MS4A13: variants seen among roughly 807,000 people sequenced by gnomAD.
The protein encoded by MS4A13 is membrane-spanning 4-domains subfamily A member 13.
In MS4A13, 21 loss-of-function variants were observed where a neutral mutation model predicts 18.4. The observed-to-expected ratio is 1.14, with a 90% confidence interval of 0.81 to 1.64. The LOEUF is 1.64. Among genes scored for constraint, MS4A13 ranks in the 40% most tolerant of loss-of-function variants. The pLI is 0.00. For synonymous variants in MS4A13, 62 were observed against 57.2 expected (o/e 1.08, Z -0.38); for missense variants, 173 against 176.8 (o/e 0.98, Z 0.12).
chr11:60,523,270 G>A (rs2086690012), intron 3 of MS4A13, among the ~76,000 whole-genome samples: 1 of 152,104 alleles, frequency 6.6e-6, no homozygotes, highest in African/African-American at 2.4e-5. Flanking sequence ...AACAAATAAG[G>A]AATACTTTGA....
intron 6 of MS4A13, among the ~76,000 whole-genome samples, chr11:60,540,256 C>A (rs1021299921): frequency 6.6e-6 from 1 of 152,162 alleles, no homozygotes; most frequent in Non-Finnish European, 1.5e-5. Flanking sequence ...ATGGATATGG[C>A]TTGTTCCAGC....
At position 60,542,552 on chromosome 11, in the gene MS4A13, G is replaced by A; in HGVS notation, c.436G>A (p.Glu146Lys). 1 of 1,610,840 alleles carries A rather than the reference G, an allele frequency of 6.2e-7. No homozygotes were observed. Among genetic ancestry groups the A allele is most frequent in the Non-Finnish European group, 8.5e-7 (1 of 1,178,134 alleles). The change falls in exon 7 of 7, where the codon GAG (glutamate) becomes AAG (lysine). Residue 146 changes from glutamate to lysine, a missense_variant. Glu to Lys is a moderately conservative substitution (Grantham distance 56). Transcript: ENST00000378186. ...ACAAAATGATCTTACATCTGTTACT[G>A]AGGAAGCTGAGAGCACTCCTTAAAA... Reference protein sequence around the residue: ...RRQNDLTSVTEEAESTP With the variant: ...RRQNDLTSVTKEAESTP
chr11:60,530,136 A>G (rs1252856225), intron 6 of MS4A13, among the ~76,000 whole-genome samples: 1 of 152,202 alleles, frequency 6.6e-6, no homozygotes, highest in Non-Finnish European at 1.5e-5. Flanking sequence ...TACATATCTA[A>G]CATTCATTCA....
intron 6 of MS4A13, among the ~76,000 whole-genome samples, chr11:60,540,088 T>A (rs2086844434): frequency 6.6e-6 from 1 of 152,202 alleles, no homozygotes; most frequent in Non-Finnish European, 1.5e-5. Context: ...GTTAACTGAT[T>A]TAAAAGACAG....
rs774315859 is a variant in MS4A13, at chr11:60,529,517, C to G, written c.402+57C>G. The G allele has an allele frequency of 7.1e-5, 68 of 951,550 alleles. 1 individual carries two copies. The highest frequency in any genetic ancestry group is 3.3e-4 in the South Asian group (19 of 57,324). The allele number at this position is 951,550 out of a possible 1,614,324, so 58.9% of individuals were successfully genotyped here. A position where few individuals can be genotyped will look rare whatever the true frequency, so the allele number is the denominator to read the frequency against. On this transcript the variant is annotated intron_variant, in intron 6 of 6. Coordinates refer to ENST00000378186, the MANE Select transcript of MS4A13 (RefSeq NM_001012417.3). ...AAGATGTTGATTTCTAGTAACTACA[C>G]TCTATGAGAAGATGAAGTGCACTGA...
At chr11:60,519,937 T>G (rs2086662626) in intron 3 of MS4A13, among the ~76,000 whole-genome samples, 1 of 152,208 alleles carries the variant, frequency 6.6e-6, no homozygotes, top group South Asian at 2.1e-4. Flanking sequence ...GGTGGAATAC[T>G]TGAAATTAAG....
At chr11:60,527,496 G>A (rs1027858697) in intron 5 of MS4A13, among the ~76,000 whole-genome samples, 11 of 148,358 alleles carry the variant, frequency 7.4e-5, no homozygotes, top group Admixed American at 5.5e-4. Context: ...ACCTTTTGCC[G>A]CTTTCAGTCA....
In MS4A13 at chr11:60,529,372, G is replaced by A; in HGVS notation, c.314G>A (p.Gly105Glu). The A allele has an allele frequency of 1.9e-6, 3 of 1,587,798 alleles. No individual in the cohort carries two copies. The highest frequency in any genetic ancestry group is 8.6e-7 in the Non-Finnish European group (1 of 1,165,866). ...SYRNYGQAKL[G>E]REVSRILLFF... ...CCTGTTTTTTGGTTATAGAAACTTG[G>A]GAGGGAAGTATCACGTATTTTACTG... Residue 105 changes from glycine (G) to glutamate (E), a missense_variant, in exon 6 of 7, where the codon GGG (glycine) becomes GAG (glutamate). By Grantham distance (98) the Gly-to-Glu change is moderately conservative. Transcript: ENST00000378186.
chr11:60,524,957 G>A (rs2086703540), intron 4 of MS4A13, among the ~76,000 whole-genome samples: 1 of 152,064 alleles, frequency 6.6e-6, no homozygotes, highest in South Asian at 2.1e-4. Flanking sequence ...ACTGCGCCCG[G>A]CCCCAAAAAA....
intron 5 of MS4A13, among the ~76,000 whole-genome samples, chr11:60,525,861 A>G (rs1423717173): frequency 1.4e-5 from 2 of 142,556 alleles, no homozygotes; most frequent in Admixed American, 7.4e-5. Context: ...ATTTTTACTG[A>G]TAACACAATA....
chr11:60,522,205 TA>T lies in MS4A13; in HGVS notation c.130-1691del, dbSNP rs1459788994. Among the ~76,000 whole-genome samples the T allele has an allele frequency of 8.1e-4, 30 of 36,854 alleles. No individual in the cohort carries two copies. In the East Asian group the frequency reaches 0.034, roughly 42 times the overall value. The allele number at this position is 36,854 out of a possible 152,430, so 24.2% of individuals were successfully genotyped here. ...CATATCAAAAGATCAGACAGATAGA[TA>T]GATAGATAGATAGATAGATAGATAG... On this transcript the variant is annotated intron_variant, in intron 3 of 6. Coordinates refer to ENST00000378186, the MANE Select transcript of MS4A13 (RefSeq NM_001012417.3).
intron 6 of MS4A13, among the ~76,000 whole-genome samples, chr11:60,542,208 G>A (rs1590884351): frequency 8.8e-6 from 1 of 113,402 alleles, no homozygotes; most frequent in East Asian, 2.5e-4. Context: ...GGGAGGAAGG[G>A]AGGAAGGAAA....
intron 3 of MS4A13, among the ~76,000 whole-genome samples, chr11:60,519,411 T>A (rs1419387326): frequency 6.6e-6 from 1 of 152,074 alleles, no homozygotes; most frequent in Non-Finnish European, 1.5e-5. Context: ...GGAAGTTTTT[T>A]TTTTTTTCCA....
intron 3 of MS4A13, among the ~76,000 whole-genome samples, chr11:60,519,221 G>T (rs773072339): frequency 6.6e-6 from 1 of 152,116 alleles, no homozygotes. Context: ...GATTTTCACC[G>T]CTGGAGATGT....
chr11:60,520,778 G>A (rs891034051), intron 3 of MS4A13, among the ~76,000 whole-genome samples: 6 of 152,188 alleles, frequency 3.9e-5, no homozygotes, highest in African/African-American at 1.2e-4. Flanking sequence ...CTGGAGGATG[G>A]TGGCCTTCTT....
intron 2 of MS4A13, among the ~76,000 whole-genome samples, chr11:60,517,615 A>C (rs1463653989): frequency 6.6e-6 from 1 of 152,190 alleles, no homozygotes; most frequent in African/African-American, 2.4e-5. Flanking sequence ...TTGAAGGAAA[A>C]GATAAATCAA....
downstream of MS4A13, among the ~76,000 whole-genome samples, chr11:60,543,094 GC>G (rs574198388): frequency 2.0e-5 from 3 of 151,846 alleles, no homozygotes; most frequent in Non-Finnish European, 4.4e-5. Context: ...GTTCCTTTCT[GC>G]CCTGAACATA....
At chr11:60,542,476 TAA>T in intron 6 of MS4A13, 41 bp from the exon 7 acceptor site, 1 of 1,384,046 alleles carries the variant, frequency 7.2e-7, no homozygotes, top group Non-Finnish European at 1.0e-6. Flanking sequence ...TGTATAATAT[TAA>T]GAAACATGAT....
intron 5 of MS4A13, among the ~76,000 whole-genome samples, chr11:60,528,344 T>A (rs2135259282): frequency 6.6e-6 from 1 of 152,302 alleles, no homozygotes. Flanking sequence ...TACCCTTATT[T>A]CAAAGGTCCT....
Sources: allele counts gnomAD v4.1 joint callset (sites outside exome capture counted in the v4.1 genomes callset), GRCh38; gene constraint gnomAD v4.1.1; transcripts MANE v1.5; gene names NCBI Gene and HGNC (gene_info 2026-07-23, HGNC 2026-07-21).